The following MTMR12 variants were observed in gnomAD, a reference collection of about 807,000 sequenced individuals.
MTMR12 encodes the protein myotubularin related protein 12.
Under a neutral mutation model 96.7 loss-of-function variants are expected in MTMR12, and 33 were observed. The observed-to-expected ratio is 0.34, with a 90% confidence interval of 0.26 to 0.46. MTMR12 has a LOEUF of 0.46. MTMR12 is among the 20% of genes least tolerant of loss of function. MTMR12 has a pLI of 1.00. For missense variants in MTMR12, 721 were observed against 896.1 expected (o/e 0.80, Z 2.49); for synonymous variants, 298 against 327.2 (o/e 0.91, Z 0.96).
At chr5:32,294,117 T>G (rs543876533) in intron 1 of MTMR12, among the ~76,000 whole-genome samples, 29 of 152,248 alleles carry the variant, frequency 1.9e-4, no homozygotes, top group African/African-American at 6.7e-4. Context: ...CTGCATCCTC[T>G]GGGACCACCC....
intron 12 of MTMR12, among the ~76,000 whole-genome samples, chr5:32,240,960 C>A (rs569137159): frequency 1.3e-5 from 2 of 152,222 alleles, no homozygotes; most frequent in African/African-American, 4.8e-5. Flanking sequence ...AATGATACTC[C>A]TGTGGGTAAT....
At chr5:32,284,176 G>C (rs552482109) in intron 1 of MTMR12, among the ~76,000 whole-genome samples, 38 of 150,996 alleles carry the variant, frequency 2.5e-4, no homozygotes, top group African/African-American at 9.2e-4. Context: ...TAATTAGCCA[G>C]GCATGGTGGC....
chr5:32,255,485 TA>T (rs1394655948), intron 8 of MTMR12, among the ~76,000 whole-genome samples: 1 of 152,214 alleles, frequency 6.6e-6, no homozygotes, highest in East Asian at 1.9e-4. Context: ...ATGTCTCTTC[TA>T]AAAACTCAAG....
intron 3 of MTMR12, among the ~76,000 whole-genome samples, chr5:32,273,354 T>A (rs1221806981): frequency 6.6e-6 from 1 of 152,088 alleles, no homozygotes; most frequent in East Asian, 1.9e-4. Context: ...CCAACCTGAA[T>A]GACAGAGTGA....
chr5:32,269,306 C>A (rs570350317), intron 5 of MTMR12, among the ~76,000 whole-genome samples: 2 of 151,760 alleles, frequency 1.3e-5, no homozygotes, highest in South Asian at 4.2e-4. Flanking sequence ...GAATTACAGG[C>A]ATGAACCATC....
chr5:32,240,138 T>G (rs1308527079), intron 12 of MTMR12, among the ~76,000 whole-genome samples: 1 of 152,114 alleles, frequency 6.6e-6, no homozygotes, highest in African/African-American at 2.4e-5. Context: ...CGGTGGCTCA[T>G]GCCTGTAATC....
At position 32,271,843 on chromosome 5, in the gene MTMR12, C is replaced by G; in HGVS notation, c.348G>C (p.Gln116His). ...AAAACAGATACTTACCTCCATAAAT[C>G]TGATCAACACAGTGGAGTGTAATGT... ...ENDITLHCVD[Q>H]IYGVFDEKKK... Residue 116 changes from glutamine to histidine, a missense_variant, in exon 4 of 16, where the codon CAG becomes CAC. Coordinates refer to ENST00000382142, the MANE Select transcript of MTMR12 (RefSeq NM_001040446.3). The G allele has an allele frequency of 6.4e-7, 1 of 1,573,870 alleles. No individual in the cohort carries two copies. The highest frequency in any genetic ancestry group is 8.7e-7 in the Non-Finnish European group (1 of 1,153,556).
chr5:32,289,338 C>T (rs1024713733), intron 1 of MTMR12, among the ~76,000 whole-genome samples: 1 of 152,208 alleles, frequency 6.6e-6, no homozygotes. Flanking sequence ...CACGGCCCCT[C>T]AATCAATTTC....
intron 1 of MTMR12, among the ~76,000 whole-genome samples, chr5:32,295,472 G>A (rs1030913638): frequency 2.0e-5 from 3 of 152,192 alleles, no homozygotes; most frequent in African/African-American, 4.8e-5. Context: ...GACAAGCTGA[G>A]TATTCTTAAT....
chr5:32,294,452 A>G (rs1366275140), intron 1 of MTMR12, among the ~76,000 whole-genome samples: 1 of 151,634 alleles, frequency 6.6e-6, no homozygotes, highest in Non-Finnish European at 1.5e-5. Context: ...ACTGGTGCCC[A>G]CCATCACATC....
intron 3 of MTMR12, among the ~76,000 whole-genome samples, chr5:32,273,502 C>T (rs1435401571): frequency 2.0e-5 from 3 of 152,104 alleles, no homozygotes; most frequent in Admixed American, 6.5e-5. Context: ...ATAGAGAAAA[C>T]GTGGGGAACT....
chr5:32,258,893 G>T (rs1365493753), intron 7 of MTMR12, among the ~76,000 whole-genome samples: 1 of 133,786 alleles, frequency 7.5e-6, no homozygotes, highest in Non-Finnish European at 1.6e-5. Context: ...TCTTATAGAT[G>T]GTCTTTCACA....
chr5:32,270,823 G>C lies in MTMR12; in HGVS notation c.483C>G (p.Val161=), dbSNP rs1213433002. The part of the protein sequence containing the change: ...FCLRYTKEEE[V]KRIVSGIIHH... ...AACACATGCAACTAGTTACCCTTTT[G>C]ACTTCCTCTTCCTTTGTGTACCTCA... is the stretch of plus-strand genomic sequence containing the variant. Residue 161 remains valine (V), a synonymous_variant, in exon 5 of 16, where the codon GTC becomes GTG. Transcript: ENST00000382142. 6.2e-7 allele frequency: 1 copy of C among 1,607,246 alleles called. No homozygotes were observed. Among genetic ancestry groups the C allele is most frequent in the Admixed American group, 1.7e-5 (1 of 58,156 alleles).
chr5:32,231,296 T>C (rs1192780215), intron 15 of MTMR12, among the ~76,000 whole-genome samples: 2 of 150,166 alleles, frequency 1.3e-5, no homozygotes, highest in Non-Finnish European at 2.9e-5. Context: ...GGAGAATTGC[T>C]TGAACCCAGG....
At chr5:32,276,855 C>A in intron 1 of MTMR12, 113 bp from the exon 2 acceptor site, 4 of 235,238 alleles carry the variant, frequency 1.7e-5, no homozygotes, top group Non-Finnish European at 3.2e-5. Flanking sequence ...AGGAGCTTTT[C>A]GTTTATGTTA....
At position 32,271,821 on chromosome 5, in the gene MTMR12, A is replaced by G. The variant is rs1215479566; in HGVS notation, c.358+12T>C. On this transcript the variant is annotated intron_variant, in intron 4 of 15. Coordinates refer to ENST00000382142, the MANE Select transcript of MTMR12 (RefSeq NM_001040446.3). ...AAGGTTGCCAACACCCCAGGGAAAA[A>G]CAGATACTTACCTCCATAAATCTGA... 2 of 1,523,276 alleles carry G rather than the reference A, an allele frequency of 1.3e-6. No homozygotes were observed. Among genetic ancestry groups the G allele is most frequent in the Non-Finnish European group, 1.8e-6 (2 of 1,119,084 alleles). 94.4% of individuals were successfully genotyped at this position (1,523,276 alleles called of 1,614,324 possible).
chr5:32,240,123 G>T (rs1445395490), intron 12 of MTMR12, among the ~76,000 whole-genome samples: 1 of 152,124 alleles, frequency 6.6e-6, no homozygotes, highest in Non-Finnish European at 1.5e-5. Flanking sequence ...ATTGTAGGCC[G>T]GGCGCGGTGG....
chr5:32,254,651 TG>T (rs201942034), intron 8 of MTMR12, among the ~76,000 whole-genome samples: 2,184 of 152,102 alleles, frequency 0.014, 63 homozygotes, highest in African/African-American at 0.049. Flanking sequence ...GAGACCAGCC[TG>T]GTCAACATGG....
In MTMR12 at chr5:32,312,927, C is replaced by G; in HGVS notation, c.-89G>C. ...CAGCAGCGGCGGCCACCAGCACTAGCGGCTGGGGCTCCGCCCATCCCCAAG... is the reference window on the plus strand; with the variant it reads ...CAGCAGCGGCGGCCACCAGCACTAGGGGCTGGGGCTCCGCCCATCCCCAAG... On this transcript the variant is annotated 5_prime_UTR_variant, in exon 1 of 16. Coordinates refer to ENST00000382142, the MANE Select transcript of MTMR12 (RefSeq NM_001040446.3). The surrounding 1 kb of genome is among the most constrained non-coding windows in gnomAD (Gnocchi z 5.0). 2 of 1,242,104 alleles carry G rather than the reference C, an allele frequency of 1.6e-6. No individual in the cohort carries two copies. The highest frequency in any genetic ancestry group is 3.2e-5 in the South Asian group (2 of 62,156). 76.9% of individuals were successfully genotyped at this position (1,242,104 alleles called of 1,614,324 possible).
Sources: gnomAD v4.1 joint callset for allele counts (sites outside exome capture counted in the v4.1 genomes callset) on GRCh38, gnomAD v4.1.1 for gene constraint, Gnocchi (gnomAD v3.1) non-coding constraint, MANE v1.5 for transcripts, NCBI Gene and HGNC (gene_info 2026-07-23, HGNC 2026-07-21) for gene names.